The following PTPRD variants were observed in gnomAD, a reference collection of about 807,000 sequenced individuals.
PTPRD encodes the protein receptor-type tyrosine-protein phosphatase delta.
PTPRD carries 34 observed loss-of-function variants against 214.5 expected under a neutral mutation model. The ratio of observed to expected loss-of-function variants is 0.16; its 90% CI spans 0.12 to 0.21. The LOEUF is 0.21. Among genes scored for constraint, PTPRD ranks in the 10% least tolerant of loss-of-function variants. The pLI, the probability that PTPRD is intolerant of heterozygous loss-of-function variation, is 1.00. For missense variants in PTPRD, 2,545 were observed against 2,398.7 expected, an observed-to-expected ratio of 1.06 and a Z score of -1.27; for synonymous variants, 1,128 against 845.7, an observed-to-expected ratio of 1.33 and a Z score of -5.79.
chr9:8,699,998 G>A (rs930910707), intron 12 of PTPRD, among the ~76,000 whole-genome samples: 15 of 151,962 alleles, frequency 9.9e-5, no homozygotes, highest in African/African-American at 2.2e-4. Flanking sequence ...TTATGATGGC[G>A]GCATTCTTAA....
At chr9:8,887,661 A>C (rs1270924926) in intron 11 of PTPRD, among the ~76,000 whole-genome samples, 2 of 152,172 alleles carry the variant, frequency 1.3e-5, no homozygotes, top group Non-Finnish European at 2.9e-5. Context: ...TTCAAAACCT[A>C]TCCTAGTTAC....
chr9:8,906,229 G>A (rs961548293), intron 11 of PTPRD, among the ~76,000 whole-genome samples: 1 of 152,082 alleles, frequency 6.6e-6, no homozygotes, highest in African/African-American at 2.4e-5. Context: ...TTATAGTCAT[G>A]GTTTATAGAA....
At chr9:10,102,220 C>G (rs1055918631) in intron 3 of PTPRD, among the ~76,000 whole-genome samples, 20 of 151,534 alleles carry the variant, frequency 1.3e-4, no homozygotes, top group African/African-American at 4.8e-4. Context: ...TTATAATATG[C>G]ATTATCTTTT....
chr9:9,489,195 A>G (rs1174176205), intron 8 of PTPRD, among the ~76,000 whole-genome samples: 1 of 152,188 alleles, frequency 6.6e-6, no homozygotes, highest in East Asian at 1.9e-4. Context: ...AAAAATCTGG[A>G]AAACTTTAAG....
At chr9:10,537,181 T>C (rs2058022516) in intron 2 of PTPRD, among the ~76,000 whole-genome samples, 1 of 152,174 alleles carries the variant, frequency 6.6e-6, no homozygotes. Flanking sequence ...TTAGGTCATA[T>C]AGTTTAACAA....
chr9:8,354,561 T>G (rs781404961), intron 39 of PTPRD, among the ~76,000 whole-genome samples: 34 of 152,234 alleles, frequency 2.2e-4, no homozygotes, highest in Non-Finnish European at 4.3e-4. Flanking sequence ...TCTAATAAAT[T>G]TTGGAGCATC....
chr9:10,309,886 T>C (rs1596699416), intron 3 of PTPRD, among the ~76,000 whole-genome samples: 1 of 152,118 alleles, frequency 6.6e-6, no homozygotes, highest in African/African-American at 2.4e-5. Context: ...GGACAACATT[T>C]GTGTTAGCAC....
chr9:8,661,914 C>CTATT (rs1371736031), intron 12 of PTPRD, among the ~76,000 whole-genome samples: 1 of 152,116 alleles, frequency 6.6e-6, no homozygotes, highest in Non-Finnish European at 1.5e-5. Context: ...CAACACGGAT[C>CTATT]TATTTATTTA....
At chr9:8,876,309 G>A (rs1212962210) in intron 11 of PTPRD, among the ~76,000 whole-genome samples, 1 of 151,864 alleles carries the variant, frequency 6.6e-6, no homozygotes, top group African/African-American at 2.4e-5. Flanking sequence ...ACTACACTTG[G>A]GGTATATATT....
At chr9:8,411,828 C>T (rs989635016) in intron 35 of PTPRD, among the ~76,000 whole-genome samples, 2 of 152,118 alleles carry the variant, frequency 1.3e-5, no homozygotes, top group African/African-American at 4.8e-5. Context: ...TATTTCTTCA[C>T]ATCTTTGAAT....
chr9:10,283,813 A>G (rs1378972305), intron 3 of PTPRD, among the ~76,000 whole-genome samples: 1 of 152,186 alleles, frequency 6.6e-6, no homozygotes, highest in Non-Finnish European at 1.5e-5. Context: ...GCAACACTAC[A>G]GAATTTTATG....
rs150941626 is a variant in PTPRD at position 9,490,620 on chromosome 9, ACTTTT to A, written c.-237+84107_-237+84111del. Among the ~76,000 whole-genome samples the A allele has an allele frequency of 1.0e-3, 158 of 152,136 alleles. 3 individuals carry two copies. In the East Asian group the frequency reaches 0.021, roughly 20 times the overall value. ...GGGACATAGCTTTTAAAGGAGCAGA[ACTTTT>A]CTATGTCATGAAGTTAAGCTGGTAT... On this transcript the variant is annotated intron_variant, in intron 8 of 45. Coordinates refer to ENST00000381196, the MANE Select transcript of PTPRD (RefSeq NM_002839.4).
chr9:9,064,720 C>T (rs2099722349), intron 10 of PTPRD, among the ~76,000 whole-genome samples: 1 of 152,184 alleles, frequency 6.6e-6, no homozygotes, highest in Non-Finnish European at 1.5e-5. Flanking sequence ...TGAAGTTGCA[C>T]AGTTAGTATG....
intron 4 of PTPRD, among the ~76,000 whole-genome samples, chr9:9,942,677 A>T (rs748859244): frequency 5.8e-4 from 89 of 152,152 alleles, no homozygotes; most frequent in Admixed American, 1.3e-3. Flanking sequence ...GAAAAGTTTT[A>T]TATCAATGCT....
chr9:8,709,876 C>T (rs572564243), intron 12 of PTPRD, among the ~76,000 whole-genome samples: 3 of 152,046 alleles, frequency 2.0e-5, no homozygotes, highest in Admixed American at 1.3e-4. Flanking sequence ...TAAAGATGGG[C>T]AAATGAAGAT....
intron 33 of PTPRD, among the ~76,000 whole-genome samples, chr9:8,454,921 C>G (rs7870456): frequency 2.1e-4 from 32 of 151,542 alleles, no homozygotes; most frequent in Admixed American, 2.1e-3. Context: ...AAGTGTTCGA[C>G]AGTGGAGAGA....
At chr9:8,317,973 A>T in intron 45 of PTPRD, 31 bp from the exon 46 acceptor site, 2 of 1,589,874 alleles carry the variant, frequency 1.3e-6, no homozygotes, top group Non-Finnish European at 1.7e-6. Flanking sequence ...GGAGAAGCAA[A>T]AGAAGGGACC....
At chr9:10,123,590 T>A (rs1370234466) in intron 3 of PTPRD, among the ~76,000 whole-genome samples, 2 of 152,128 alleles carry the variant, frequency 1.3e-5, no homozygotes, top group Non-Finnish European at 2.9e-5. Context: ...AAAAGTGGCT[T>A]GTGAAAAAGA....
intron 14 of PTPRD, among the ~76,000 whole-genome samples, chr9:8,539,008 A>G (rs557069586): frequency 6.6e-5 from 10 of 152,112 alleles, no homozygotes; most frequent in African/African-American, 2.4e-4. Flanking sequence ...TTGTATAAGA[A>G]AATACTCAAA....
Sources: allele counts gnomAD v4.1 joint callset (sites outside exome capture counted in the v4.1 genomes callset), GRCh38; gene constraint gnomAD v4.1.1; transcripts MANE v1.5; gene names NCBI Gene and HGNC (gene_info 2026-07-23, HGNC 2026-07-21).